The following SIPA1L1 variants were observed in gnomAD, a reference collection of about 807,000 sequenced individuals.
SIPA1L1 encodes signal induced proliferation associated 1 like 1, also known as signal-induced proliferation-associated 1-like protein 1.
SIPA1L1 carries 26 observed loss-of-function variants against 162.7 expected under a neutral mutation model. The ratio of observed to expected loss-of-function variants is 0.16; its 90% CI spans 0.12 to 0.22. The LOEUF (loss-of-function observed/expected upper bound fraction) is 0.22, where lower values mean the gene tolerates loss of function less well. Among genes scored for constraint, SIPA1L1 ranks in the 10% least tolerant of loss-of-function variants. The pLI is 1.00. For missense variants in SIPA1L1, 1,874 were observed against 2,241.0 expected (o/e 0.84, Z 3.31); for synonymous variants, 829 against 837.4 (o/e 0.99, Z 0.17).
intron 2 of SIPA1L1, among the ~76,000 whole-genome samples, chr14:71,441,358 T>A (rs1477534342): frequency 6.6e-6 from 1 of 152,192 alleles, no homozygotes; most frequent in African/African-American, 2.4e-5. Flanking sequence ...CTGGCTTCCA[T>A]AGTCCCAGAA....
chr14:71,676,714 G>C (rs1596872267), intron 12 of SIPA1L1, among the ~76,000 whole-genome samples: 1 of 144,862 alleles, frequency 6.9e-6, no homozygotes, highest in East Asian at 2.1e-4. Context: ...CTATGAGTAA[G>C]AACATGTGGT....
At chr14:71,606,735 C>A (rs7155008) in intron 5 of SIPA1L1, among the ~76,000 whole-genome samples, 60,947 of 151,812 alleles carry the variant, frequency 0.4, 12,802 homozygotes, top group Admixed American at 0.5. Context: ...CAACCGGTCC[C>A]AACCAAGCAG....
intron 7 of SIPA1L1, among the ~76,000 whole-genome samples, chr14:71,636,376 A>G (rs547935445): frequency 8.5e-5 from 13 of 152,366 alleles, no homozygotes; most frequent in Middle Eastern, 3.4e-3. Flanking sequence ...TCAAACTAGA[A>G]ATAACAGAAA....
At chr14:71,604,942 A>C (rs1261171589) in intron 5 of SIPA1L1, among the ~76,000 whole-genome samples, 1 of 152,064 alleles carries the variant, frequency 6.6e-6, no homozygotes, top group Non-Finnish European at 1.5e-5. Flanking sequence ...TAGACTTGGA[A>C]TGTTTTTATC....
At chr14:71,662,249 A>G (rs539903617) in intron 10 of SIPA1L1, among the ~76,000 whole-genome samples, 42 of 152,266 alleles carry the variant, frequency 2.8e-4, no homozygotes, top group African/African-American at 9.9e-4. Flanking sequence ...GAGATCCACA[A>G]TTGTATATTT....
intron 10 of SIPA1L1, 144 bp from the exon 11 acceptor site, chr14:71,670,975 C>A: frequency 1.4e-6 from 1 of 692,944 alleles, no homozygotes; most frequent in Non-Finnish European, 2.5e-6. Context: ...TCGTATTAAG[C>A]AGAAATGTGT....
intron 2 of SIPA1L1, among the ~76,000 whole-genome samples, chr14:71,391,817 G>C (rs185755083): frequency 6.6e-6 from 1 of 152,198 alleles, no homozygotes; most frequent in Non-Finnish European, 1.5e-5. Flanking sequence ...TGGGAGGACC[G>C]TAGCAAGTGA....
In SIPA1L1 at chr14:71,693,095, AT is replaced by A. The variant is rs569340224; in HGVS notation, c.3375-5877del. Among the ~76,000 whole-genome samples, 873 of 152,010 alleles carry A rather than the reference AT, an allele frequency of 5.7e-3. 4 individuals are homozygous for A. The highest frequency in any genetic ancestry group is 0.021 in the South Asian group (102 of 4,804). ...TGAACCAGAAATGTTTCAAATTTCA[AT>A]TTTTTTTTAATTTTGCGCATATTTG... On this transcript the variant is annotated intron_variant, in intron 13 of 23. Coordinates refer to ENST00000381232, the MANE Select transcript of SIPA1L1 (RefSeq NM_001386936.1).
chr14:71,497,858 G>C (rs1392502009), intron 2 of SIPA1L1: 1 of 152,218 alleles, frequency 6.6e-6, no homozygotes, highest in Admixed American at 6.5e-5. Context: ...CTCTAGGATA[G>C]ATGCCCAGGT....
chr14:71,647,746 C>CTTT (rs2042290223), intron 7 of SIPA1L1, among the ~76,000 whole-genome samples: 2 of 152,096 alleles, frequency 1.3e-5, no homozygotes, highest in Admixed American at 6.6e-5. Context: ...TTGTTGAGAC[C>CTTT]TAATAGGGTA....
intron 5 of SIPA1L1, among the ~76,000 whole-genome samples, chr14:71,610,138 A>G (rs1021684448): frequency 3.3e-5 from 5 of 152,178 alleles, no homozygotes; most frequent in African/African-American, 7.2e-5. Flanking sequence ...TGTGATTTCT[A>G]TTGGTGTCAA....
chr14:71,338,583 G>T (rs1436815165), intron 2 of SIPA1L1, among the ~76,000 whole-genome samples: 1 of 152,112 alleles, frequency 6.6e-6, no homozygotes, highest in Admixed American at 6.5e-5. Context: ...TCATCCGGGG[G>T]CATTTAAATA....
intron 13 of SIPA1L1, among the ~76,000 whole-genome samples, chr14:71,698,640 C>CTT (rs1211203632): frequency 6.6e-6 from 1 of 152,222 alleles, no homozygotes. Context: ...GTTAATGTCA[C>CTT]TTGGGTTCAA....
At chr14:71,674,547 CTGTTTTTTTTTTGTTTTTTTT>C (rs2044876471) in intron 12 of SIPA1L1, among the ~76,000 whole-genome samples, 1 of 148,832 alleles carries the variant, frequency 6.7e-6, no homozygotes, top group Non-Finnish European at 1.5e-5. Flanking sequence ...AGTAGCATTC[CTGTTTTTTTTTTGTTTTTTTT>C]TGTTTTTTTT....
chr14:71,696,185 T>G (rs568641101), intron 13 of SIPA1L1, among the ~76,000 whole-genome samples: 1 of 152,286 alleles, frequency 6.6e-6, no homozygotes, highest in East Asian at 1.9e-4. Flanking sequence ...CAGTGGGTGA[T>G]TGGCCCATAT....
chr14:71,413,739 A>G (rs948226330), intron 2 of SIPA1L1, among the ~76,000 whole-genome samples: 1 of 152,198 alleles, frequency 6.6e-6, no homozygotes, highest in African/African-American at 2.4e-5. Flanking sequence ...CACCGTCTAA[A>G]AAACAAAAGC....
intron 22 of SIPA1L1, 153 bp downstream of exon 22, chr14:71,735,544 G>A (rs1406703089): frequency 1.8e-6 from 1 of 546,886 alleles, no homozygotes; most frequent in African/African-American, 1.9e-5. Flanking sequence ...AGAACGCTTT[G>A]TAACTGAATA....
chr14:71,735,508 A>T, intron 22 of SIPA1L1, 117 bp downstream of exon 22: 4 of 643,702 alleles, frequency 6.2e-6, no homozygotes, highest in Non-Finnish European at 1.1e-5. Context: ...TGATCACTGC[A>T]GGGCTAGACA....
At chr14:71,508,644 CA>C (rs1048164934) in intron 2 of SIPA1L1, among the ~76,000 whole-genome samples, 1 of 152,180 alleles carries the variant, frequency 6.6e-6, no homozygotes, top group African/African-American at 2.4e-5. Context: ...TATTTCCGAA[CA>C]AATATGTTTT....
Sources: gnomAD v4.1 joint callset for allele counts (sites outside exome capture counted in the v4.1 genomes callset) on GRCh38, gnomAD v4.1.1 for gene constraint, MANE v1.5 for transcripts, NCBI Gene and HGNC (gene_info 2026-07-23, HGNC 2026-07-21) for gene names.